NAALADL2: variants seen among roughly 807,000 people sequenced by gnomAD.
NAALADL2 encodes the protein inactive N-acetylated-alpha-linked acidic dipeptidase-like protein 2.
Under a neutral mutation model 87.2 loss-of-function variants are expected in NAALADL2, and 76 were observed. The observed-to-expected ratio is 0.87, with a 90% CI of 0.72 to 1.05. NAALADL2 has a LOEUF of 1.05. Ranked by LOEUF, NAALADL2 falls within the 50% of genes least tolerant of loss-of-function variation. NAALADL2 has a pLI of 0.00. For missense variants in NAALADL2, 1,089 were observed against 945.8 expected (o/e 1.15, Z -1.99); for synonymous variants, 354 against 331.0 (o/e 1.07, Z -0.75).
In NAALADL2 at chr3:174,562,145, C is replaced by T. The variant is rs2176094; in HGVS notation, c.-115+11508C>T. 1.4e-3 allele frequency among the ~76,000 whole-genome samples: 211 copies of T among 152,134 alleles called. 1 individual carries two copies. Among genetic ancestry groups the T allele is most frequent in the Admixed American group, 2.7e-3 (42 of 15,288 alleles). On this transcript the variant is annotated intron_variant, in intron 2 of 3. Transcript: ENST00000434257. ...AGGATTCTATCATTTCAAATTATAT[C>T]TTTGTAATTTCAGTACTATATTTAA...
At chr3:175,361,650 T>C (rs199836647) in intron 5 of NAALADL2, among the ~76,000 whole-genome samples, 9 of 148,346 alleles carry the variant, frequency 6.1e-5, no homozygotes, top group African/African-American at 1.2e-4. Flanking sequence ...TGTCTTTTGG[T>C]TGCATAAATG....
At chr3:175,619,310 AAAGT>A (rs1195190753) in intron 10 of NAALADL2, among the ~76,000 whole-genome samples, 5 of 152,022 alleles carry the variant, frequency 3.3e-5, no homozygotes, top group Non-Finnish European at 7.4e-5. Context: ...AGAGAAAGAA[AAAGT>A]AAGAAAGAAA....
chr3:175,803,713 T>C lies in NAALADL2; in HGVS notation c.*510T>C, dbSNP rs1345868222. On this transcript the variant is annotated 3_prime_UTR_variant, in exon 14 of 14. Transcript: ENST00000454872. ...ACCTAAACCACTTTGAATGTTTCTA[T>C]TTTATGAAATGAAGTTTCTCTTCTT... The C allele has an allele frequency of 1.3e-5, 2 of 152,472 alleles. No individual in the cohort carries two copies. The highest frequency in any genetic ancestry group is 2.9e-5 in the Non-Finnish European group (2 of 67,984). 9.4% of individuals were successfully genotyped at this position (152,472 alleles called of 1,614,324 possible).
chr3:174,477,899 A>T (rs1258208118), intron 1 of NAALADL2, among the ~76,000 whole-genome samples: 1 of 152,198 alleles, frequency 6.6e-6, no homozygotes, highest in Non-Finnish European at 1.5e-5. Context: ...GGAACTGTTA[A>T]CAACTGTAGT....
intron 1 of NAALADL2, among the ~76,000 whole-genome samples, chr3:174,942,505 G>A (rs1359126692): frequency 1.3e-5 from 2 of 152,108 alleles, no homozygotes; most frequent in Non-Finnish European, 2.9e-5. Flanking sequence ...TGACAATTAT[G>A]TGTGTTGGGG....
intron 10 of NAALADL2, among the ~76,000 whole-genome samples, chr3:175,590,214 ATATATATATATATATATATAT>A (rs1721205808): frequency 6.8e-6 from 1 of 146,888 alleles, no homozygotes; most frequent in African/African-American, 2.5e-5. Flanking sequence ...TCCGTCTAAT[ATATATATATATATATATATAT>A]ATATATATAT....
intron 1 of NAALADL2, among the ~76,000 whole-genome samples, chr3:175,025,335 G>GAC (rs1752091495): frequency 6.6e-6 from 1 of 152,106 alleles, no homozygotes; most frequent in Non-Finnish European, 1.5e-5. Context: ...ATTAAATAAT[G>GAC]ACACAGAATA....
chr3:175,092,420 G>A (rs766054165), intron 1 of NAALADL2, among the ~76,000 whole-genome samples: 14 of 151,736 alleles, frequency 9.2e-5, no homozygotes, highest in Admixed American at 2.6e-4. Flanking sequence ...GATCATATTC[G>A]TAAGTGGCAT....
chr3:175,476,025 ATGT>A (rs1725654192), intron 9 of NAALADL2, among the ~76,000 whole-genome samples: 1 of 152,182 alleles, frequency 6.6e-6, no homozygotes, highest in Non-Finnish European at 1.5e-5. Context: ...ACCCAGCCAA[ATGT>A]TGTTGTAGTT....
chr3:175,720,834 A>G (rs76509386), intron 11 of NAALADL2, among the ~76,000 whole-genome samples: 2,301 of 152,252 alleles, frequency 0.015, 31 homozygotes, highest in African/African-American at 0.037. Flanking sequence ...ATCATTCAAA[A>G]GTGAGAAAGA....
chr3:175,169,456 A>G (rs1025531200), intron 2 of NAALADL2, among the ~76,000 whole-genome samples: 2 of 147,036 alleles, frequency 1.4e-5, no homozygotes, highest in African/African-American at 4.9e-5. Flanking sequence ...TAGTTGTAAG[A>G]ATATATATAT....
chr3:175,593,643 TGG>T (rs1721844629), intron 10 of NAALADL2, among the ~76,000 whole-genome samples: 1 of 152,166 alleles, frequency 6.6e-6, no homozygotes, highest in South Asian at 2.1e-4. Context: ...TAGCTTTTTG[TGG>T]TTTGCTGCCA....
intron 9 of NAALADL2, among the ~76,000 whole-genome samples, chr3:175,539,388 C>G (rs1711888285): frequency 6.6e-6 from 1 of 152,140 alleles, no homozygotes. Flanking sequence ...ACGCATTAAT[C>G]TCCTAATAAT....
chr3:174,785,162 A>T (rs1335316941), intron 3 of NAALADL2, among the ~76,000 whole-genome samples: 1 of 152,116 alleles, frequency 6.6e-6, no homozygotes, highest in Non-Finnish European at 1.5e-5. Context: ...TTAGCTTTTG[A>T]GCCCTTCCCC....
At chr3:174,859,126 A>G (rs1468360726), upstream of NAALADL2, among the ~76,000 whole-genome samples, 1 of 152,126 alleles carries the variant, frequency 6.6e-6, no homozygotes, top group Admixed American at 6.6e-5. Context: ...GACTAAAGTG[A>G]AAGTAGAGAA....
chr3:175,374,877 T>C (rs983705531), intron 5 of NAALADL2, among the ~76,000 whole-genome samples: 6 of 74,438 alleles, frequency 8.1e-5, no homozygotes, highest in African/African-American at 2.9e-4. Context: ...CTGTCGCAAA[T>C]AAATAAATAA....
At chr3:174,636,535 C>T (rs1447327254) in intron 2 of NAALADL2, among the ~76,000 whole-genome samples, 1 of 151,874 alleles carries the variant, frequency 6.6e-6, no homozygotes, top group Non-Finnish European at 1.5e-5. Flanking sequence ...TACAAATGGC[C>T]AACAAGTGTA....
chr3:174,647,716 C>CTA (rs1723942061), intron 2 of NAALADL2, among the ~76,000 whole-genome samples: 1 of 152,204 alleles, frequency 6.6e-6, no homozygotes, highest in African/African-American at 2.4e-5. Context: ...GACCCAGGAT[C>CTA]TATAACCCTA....
chr3:174,633,013 A>G (rs2108702877), intron 2 of NAALADL2, among the ~76,000 whole-genome samples: 1 of 151,836 alleles, frequency 6.6e-6, no homozygotes, highest in East Asian at 1.9e-4. Context: ...TGCTTAATGA[A>G]TGTTTATTGT....
Sources: gnomAD v4.1 joint callset for allele counts (sites outside exome capture counted in the v4.1 genomes callset) on GRCh38, gnomAD v4.1.1 for gene constraint, MANE v1.5 for transcripts, NCBI Gene and HGNC (gene_info 2026-07-23, HGNC 2026-07-21) for gene names.